Variants in RPS11 observed in about 807,000 individuals in gnomAD.
RPS11 encodes the protein small ribosomal subunit protein uS17.
For synonymous variants in RPS11, 107 were observed against 78.0 expected (o/e 1.37, Z -1.96); for missense variants, 127 against 211.4 (o/e 0.60, Z 2.48).
At chr19:49,497,037 C>T (rs1056825913) in intron 1 of RPS11, 157 bp from the exon 2 acceptor site, 5 of 746,196 alleles carry the variant, frequency 6.7e-6, no homozygotes, top group East Asian at 5.3e-5. Flanking sequence ...GTGGTCATGT[C>T]TTAGAGGGTG....
intron 2 of RPS11, 28 bp from the exon 3 acceptor site, chr19:49,497,492 C>T (rs759668205): frequency 6.2e-7 from 1 of 1,610,492 alleles, no homozygotes; most frequent in South Asian, 1.1e-5. Flanking sequence ...GCCCAAGGCT[C>T]ACTCCTTTAT....
At chr19:49,496,771 G>A (rs1006803635) in intron 1 of RPS11, among the ~76,000 whole-genome samples, 9 of 151,972 alleles carry the variant, frequency 5.9e-5, no homozygotes, top group African/African-American at 7.3e-5. Context: ...CTGTGGAAAC[G>A]GACTCCTAAG....
rs1042663290 is a variant in RPS11 at position 49,498,400 on chromosome 19, CAA to C, written c.353+356_353+357del. 2.8e-4 allele frequency: 86 copies of C among 302,512 alleles called. 1 individual carries two copies. The highest frequency in any genetic ancestry group is 1.8e-3 in the African/African-American group (84 of 46,578). 18.7% of individuals were successfully genotyped at this position (302,512 alleles called of 1,614,324 possible). On this transcript the variant is annotated intron_variant, in intron 4 of 4. Coordinates refer to ENST00000270625, the MANE Select transcript of RPS11 (RefSeq NM_001015.5). The stretch of plus-strand genomic sequence containing the variant: ...GTGCGTTTTATAATTCTGTGTGAAA[CAA>C]AGTTTGCGTACATTGAACCATTGGA...
At position 49,496,450 on chromosome 19, in the gene RPS11, CG is replaced by C; in HGVS notation, c.-4del. Reference sequence around the variant, plus strand: ...TGCCCCTTTCTTTTTTTCAGGCGGCCGGGAAGATGGCGGACATTCAGGTGCG... The same window carrying C: ...TGCCCCTTTCTTTTTTTCAGGCGGCCGGAAGATGGCGGACATTCAGGTGCG... On this transcript the variant is annotated 5_prime_UTR_variant, in exon 1 of 5. Transcript: ENST00000270625. 1 of 1,611,968 alleles carries C rather than the reference CG, an allele frequency of 6.2e-7. No homozygotes were observed. The highest frequency in any genetic ancestry group is 8.5e-7 in the Non-Finnish European group (1 of 1,179,186).
In RPS11 at chr19:49,499,578, C is replaced by T; in HGVS notation, c.420C>T (p.Phe140=). The change falls in exon 5 of 5, where the codon TTC becomes TTT. Residue 140 remains phenylalanine, a synonymous_variant. Coordinates refer to ENST00000270625, the MANE Select transcript of RPS11 (RefSeq NM_001015.5). ...GGCCTCTGAGCAAGACAGTGCGCTT[C>T]AACGTGCTCAAGGTCACCAAGGCTG... ...ECRPLSKTVR[F]NVLKVTKAAG... 1 of 1,614,064 alleles carries T rather than the reference C, an allele frequency of 6.2e-7. No homozygotes were observed. The highest frequency in any genetic ancestry group is 8.5e-7 in the Non-Finnish European group (1 of 1,179,964).
chr19:49,499,538 C>T lies in RPS11; in HGVS notation c.380C>T (p.Thr127Ile), dbSNP rs767943593. The T allele has an allele frequency of 1.2e-6, 2 of 1,613,726 alleles. No homozygotes were observed. Among genetic ancestry groups the T allele is most frequent in the African/African-American group, 2.7e-5 (2 of 74,898 alleles). The change falls in exon 5 of 5, where the codon ACA (threonine) becomes ATA (isoleucine). Residue 127 changes from threonine to isoleucine, a missense_variant. Thr to Ile is a moderately conservative substitution (Grantham distance 89). Coordinates refer to ENST00000270625, the MANE Select transcript of RPS11 (RefSeq NM_001015.5). ...FRDVQIGDIV[T>I]VGECRPLSKT... is the part of the protein sequence containing the mutation. Reference sequence around the variant, plus strand: ...GACGTCCAGATCGGTGACATCGTCACAGTGGGCGAGTGCCGGCCTCTGAGC... The same window carrying T: ...GACGTCCAGATCGGTGACATCGTCATAGTGGGCGAGTGCCGGCCTCTGAGC...
intron 4 of RPS11, among the ~76,000 whole-genome samples, chr19:49,498,726 G>A (rs1188941684): frequency 1.3e-5 from 2 of 152,064 alleles, no homozygotes; most frequent in East Asian, 3.9e-4. Context: ...CTCCGGCCTG[G>A]GCGACAGAGT....
rs11549550 is a variant in RPS11 at position 49,497,278 on chromosome 19, C to T, written c.100C>T (p.Pro34Ser). 2 of 1,614,074 alleles carry T rather than the reference C, an allele frequency of 1.2e-6. No individual in the cohort carries two copies. Among genetic ancestry groups the T allele is most frequent in the Admixed American group, 1.7e-5 (1 of 60,008 alleles). The change falls in exon 2 of 5, where the codon CCG becomes TCG. Residue 34 changes from proline to serine, a missense_variant. By Grantham distance (74) the Pro-to-Ser change is moderately conservative. Coordinates refer to ENST00000270625, the MANE Select transcript of RPS11 (RefSeq NM_001015.5). ...GGGAGAAACTGGCAAGGAGAAGCTC[C>T]CGCGGTACTACAAGAACATCGGTCT... ...LLGETGKEKL[P>S]RYYKNIGLGF...
chr19:49,496,794 G>T (rs1203513035), intron 1 of RPS11, among the ~76,000 whole-genome samples: 1 of 152,040 alleles, frequency 6.6e-6, no homozygotes, highest in Non-Finnish European at 1.5e-5. Context: ...CTAATCCAGG[G>T]AGCCTGCCGT....
In RPS11 at chr19:49,496,497, G is replaced by C. The variant is rs748844033; in HGVS notation, c.15+26G>C. The C allele has an allele frequency of 2.9e-5, 46 of 1,605,970 alleles. No individual in the cohort carries two copies. In the Admixed American group the frequency reaches 7.6e-4, roughly 26 times the overall value. On this transcript the variant is annotated intron_variant, in intron 1 of 4. Coordinates refer to ENST00000270625, the MANE Select transcript of RPS11 (RefSeq NM_001015.5). ...GTGCGGACTCGGGGTTGGATGCCAG[G>C]GTGCGGGGTCCGCCTTGGCCTTCAG...
At chr19:49,499,382 C>T (rs1399316584) in intron 4 of RPS11, 130 bp from the exon 5 acceptor site, 60 of 955,416 alleles carry the variant, frequency 6.3e-5, no homozygotes, top group South Asian at 4.9e-5. Context: ...GTTGAATTGG[C>T]GAGTAGAGCT....
intron 1 of RPS11, 62 bp from the exon 2 acceptor site, chr19:49,497,132 G>A: frequency 6.2e-7 from 1 of 1,601,638 alleles, no homozygotes; most frequent in East Asian, 2.2e-5. Flanking sequence ...AAGGTCTCTA[G>A]GGCTGGTTGG....
chr19:49,496,522 G>T (rs34826198), intron 1 of RPS11, 51 bp downstream of exon 1: 1 of 1,563,414 alleles, frequency 6.4e-7, no homozygotes, highest in Non-Finnish European at 8.7e-7. Flanking sequence ...TTGGCCTTCA[G>T]GGGCGCGTCC....
chr19:49,498,205 A>T, intron 4 of RPS11, 159 bp downstream of exon 4: 1 of 761,836 alleles, frequency 1.3e-6, no homozygotes, highest in South Asian at 1.6e-5. Context: ...GTTCTTCAGA[A>T]TCAAAGCGTT....
chr19:49,499,552 C>T lies in RPS11; in HGVS notation c.394C>T (p.Arg132Trp). The T allele has an allele frequency of 6.2e-7, 1 of 1,613,826 alleles. No homozygotes were observed. Among genetic ancestry groups the T allele is most frequent in the Non-Finnish European group, 8.5e-7 (1 of 1,179,790 alleles). ...IGDIVTVGEC[R>W]PLSKTVRFNV... ...TGACATCGTCACAGTGGGCGAGTGC[C>T]GGCCTCTGAGCAAGACAGTGCGCTT... The change falls in exon 5 of 5, where the codon CGG becomes TGG. Residue 132 changes from arginine to tryptophan, a missense_variant. Transcript: ENST00000270625.
rs1065733 is a variant in RPS11 at position 49,497,987 on chromosome 19, G to A, written c.294G>A (p.Lys98=). ...IRRDYLHYIR[K]YNRFEKRHKN... The stretch of plus-strand genomic sequence containing the variant: ...GAGACTATCTGCACTACATCCGCAA[G>A]TACAACCGCTTCGAGAAGCGCCACA... Residue 98 remains lysine, a synonymous_variant, in exon 4 of 5, where the codon AAG becomes AAA. Coordinates refer to ENST00000270625, the MANE Select transcript of RPS11 (RefSeq NM_001015.5). The A allele has an allele frequency of 3.1e-6, 5 of 1,614,046 alleles. No individual in the cohort carries two copies. In the South Asian group the frequency reaches 4.4e-5, roughly 14 times the overall value.
intron 1 of RPS11, 64 bp from the exon 2 acceptor site, chr19:49,497,130 T>C: frequency 6.2e-7 from 1 of 1,600,214 alleles, no homozygotes; most frequent in East Asian, 2.2e-5. Context: ...GGAAGGTCTC[T>C]AGGGCTGGTT....
chr19:49,497,728 ATGTT>A, intron 3 of RPS11, 133 bp downstream of exon 3: 1 of 1,136,440 alleles, frequency 8.8e-7, no homozygotes, highest in South Asian at 1.2e-5. Context: ...TTGGCAGATG[ATGTT>A]TGTTTTCACG....
At chr19:49,497,812 CT>C in intron 3 of RPS11, 104 bp from the exon 4 acceptor site, 1 of 1,517,880 alleles carries the variant, frequency 6.6e-7, no homozygotes. Flanking sequence ...GGAAATGGGG[CT>C]TTTTGGGATC....
Sources: allele counts gnomAD v4.1 joint callset (sites outside exome capture counted in the v4.1 genomes callset), GRCh38; gene constraint gnomAD v4.1.1; transcripts MANE v1.5; gene names NCBI Gene and HGNC (gene_info 2026-07-23, HGNC 2026-07-21).